ATP9B: variants seen among roughly 807,000 people sequenced by gnomAD.
ATP9B encodes the protein probable phospholipid-transporting ATPase IIB.
A neutral mutation model predicts 146.1 loss-of-function variants in ATP9B; 110 were observed. The observed-to-expected ratio is 0.75, with a 90% CI of 0.65 to 0.88. The LOEUF (loss-of-function observed/expected upper bound fraction) is 0.88. Ranked by LOEUF, ATP9B falls within the 40% of genes least tolerant of loss-of-function variation. The probability of loss-of-function intolerance (pLI) is 0.00; values close to 1 mark genes in which losing one functional copy is unlikely to be tolerated. For missense variants in ATP9B, 1,499 were observed against 1,496.4 expected (o/e 1.00, Z -0.03); for synonymous variants, 604 against 569.7 (o/e 1.06, Z -0.86).
intron 11 of ATP9B, among the ~76,000 whole-genome samples, chr18:79,243,280 A>G (rs184994870): frequency 1.2e-4 from 19 of 152,336 alleles, no homozygotes; most frequent in African/African-American, 4.1e-4. Context: ...ATATATCCTC[A>G]TGTTTTTAAT....
intron 12 of ATP9B, among the ~76,000 whole-genome samples, chr18:79,263,707 C>T (rs1361139906): frequency 6.6e-6 from 1 of 152,328 alleles, no homozygotes; most frequent in Non-Finnish European, 1.5e-5. Context: ...GTTTGGGTTG[C>T]TTCCAGTTTT....
intron 6 of ATP9B, among the ~76,000 whole-genome samples, chr18:79,147,614 AT>A (rs2094612886): frequency 6.6e-6 from 1 of 152,142 alleles, no homozygotes; most frequent in Non-Finnish European, 1.5e-5. Context: ...GAAACAATAC[AT>A]ACAGCTGAAT....
At chr18:79,372,983 A>G in intron 27 of ATP9B, 101 bp downstream of exon 27, 1 of 788,214 alleles carries the variant, frequency 1.3e-6, no homozygotes, top group Non-Finnish European at 2.1e-6. Context: ...CAACAGCTTA[A>G]AATGCCATCA....
chr18:79,105,496 T>C (rs1020111106), intron 2 of ATP9B, among the ~76,000 whole-genome samples: 2 of 152,250 alleles, frequency 1.3e-5, no homozygotes, highest in African/African-American at 4.8e-5. Flanking sequence ...AATTTCTTCA[T>C]GGCTTGAGAC....
intron 9 of ATP9B, among the ~76,000 whole-genome samples, chr18:79,199,875 C>T (rs551079218): frequency 6.6e-6 from 1 of 152,134 alleles, no homozygotes; most frequent in South Asian, 2.1e-4. Flanking sequence ...GCTGGAAGAT[C>T]TCCACGTGTA....
At chr18:79,105,495 A>G (rs1007688683) in intron 2 of ATP9B, among the ~76,000 whole-genome samples, 2 of 152,204 alleles carry the variant, frequency 1.3e-5, no homozygotes, top group East Asian at 1.9e-4. Context: ...TAATTTCTTC[A>G]TGGCTTGAGA....
chr18:79,183,619 A>G (rs1320282883), intron 8 of ATP9B, among the ~76,000 whole-genome samples: 1 of 152,134 alleles, frequency 6.6e-6, no homozygotes, highest in East Asian at 1.9e-4. Context: ...GTATTTAGAT[A>G]ATGTGACCTA....
At chr18:79,083,291 T>A (rs2073456161) in intron 1 of ATP9B, among the ~76,000 whole-genome samples, 1 of 152,192 alleles carries the variant, frequency 6.6e-6, no homozygotes, top group Non-Finnish European at 1.5e-5. Context: ...GACTTCAGAC[T>A]GCTGTGCTGG....
chr18:79,190,725 T>C (rs908218564), intron 8 of ATP9B, among the ~76,000 whole-genome samples: 1 of 152,244 alleles, frequency 6.6e-6, no homozygotes, highest in Non-Finnish European at 1.5e-5. Flanking sequence ...TTTGTATTTT[T>C]AGTAGAGACG....
At chr18:79,308,065 C>T (rs575528025) in intron 15 of ATP9B, among the ~76,000 whole-genome samples, 129 of 152,120 alleles carry the variant, frequency 8.5e-4, no homozygotes, top group Non-Finnish European at 1.5e-3. Context: ...TTCTGGTTGA[C>T]GAGTTTATTA....
At chr18:79,281,047 T>A (rs1299662209) in intron 13 of ATP9B, among the ~76,000 whole-genome samples, 1 of 152,012 alleles carries the variant, frequency 6.6e-6, no homozygotes, top group South Asian at 2.1e-4. Context: ...ATGGCCAACT[T>A]AAGAATAGTA....
At chr18:79,350,173 C>T (rs1266944569) in intron 25 of ATP9B, among the ~76,000 whole-genome samples, 1 of 152,246 alleles carries the variant, frequency 6.6e-6, no homozygotes, top group Non-Finnish European at 1.5e-5. Flanking sequence ...GACTCCACGT[C>T]CTTCGCCTGC....
chr18:79,195,307 G>C (rs2148176764), intron 9 of ATP9B, among the ~76,000 whole-genome samples: 1 of 152,288 alleles, frequency 6.6e-6, no homozygotes, highest in East Asian at 1.9e-4. Flanking sequence ...GAGTGCAGTG[G>C]TGTGATCATA....
intron 7 of ATP9B, among the ~76,000 whole-genome samples, chr18:79,171,542 AC>A (rs911326078): frequency 6.6e-6 from 1 of 151,614 alleles, no homozygotes; most frequent in Non-Finnish European, 1.5e-5. Context: ...GTACAGGGAG[AC>A]CCCGTGTGTC....
intron 11 of ATP9B, among the ~76,000 whole-genome samples, chr18:79,252,244 G>A (rs968247384): frequency 2.0e-5 from 3 of 152,214 alleles, no homozygotes; most frequent in Non-Finnish European, 4.4e-5. Context: ...ATCCCCTGGG[G>A]GCTGTAAGGA....
chr18:79,171,545 C>G (rs1308014227), intron 7 of ATP9B, among the ~76,000 whole-genome samples: 1 of 151,942 alleles, frequency 6.6e-6, no homozygotes, highest in Non-Finnish European at 1.5e-5. Flanking sequence ...CAGGGAGACC[C>G]CGTGTGTCCC....
chr18:79,207,910 T>C (rs942600708), intron 10 of ATP9B, among the ~76,000 whole-genome samples: 3 of 152,060 alleles, frequency 2.0e-5, no homozygotes, highest in Non-Finnish European at 4.4e-5. Flanking sequence ...GTGCTAAGTA[T>C]CACCAACACG....
chr18:79,079,512 G>T (rs562088929), intron 1 of ATP9B, among the ~76,000 whole-genome samples: 106 of 152,084 alleles, frequency 7.0e-4, no homozygotes, highest in Admixed American at 1.3e-3. Context: ...TTTTTTTCTT[G>T]TAAATTTAAG....
At chr18:79,230,982 A>T (rs1157579684) in intron 11 of ATP9B, among the ~76,000 whole-genome samples, 1 of 152,208 alleles carries the variant, frequency 6.6e-6, no homozygotes, top group Non-Finnish European at 1.5e-5. Flanking sequence ...CTCATCTCTC[A>T]CTTTATACAA....
Sources: allele counts gnomAD v4.1 joint callset (sites outside exome capture counted in the v4.1 genomes callset), GRCh38; gene constraint gnomAD v4.1.1; transcripts MANE v1.5; gene names NCBI Gene and HGNC (gene_info 2026-07-23, HGNC 2026-07-21).